CDH3: variants seen among roughly 807,000 people sequenced by gnomAD.
CDH3 encodes the protein cadherin 3.
A neutral mutation model predicts 82.0 loss-of-function variants in CDH3; 54 were observed. The ratio of observed to expected loss-of-function variants is 0.66; its 90% CI spans 0.53 to 0.83. CDH3 has a LOEUF of 0.83. Among genes scored for constraint, CDH3 ranks in the 40% least tolerant of loss-of-function variants. CDH3 has a pLI of 0.00. For synonymous variants in CDH3, 446 were observed against 437.9 expected (o/e 1.02, Z -0.23); for missense variants, 1,054 against 1,084.6 (o/e 0.97, Z 0.40).
chr16:68,659,579 CAAA>C (rs548955678), intron 2 of CDH3, among the ~76,000 whole-genome samples: 4 of 125,822 alleles, frequency 3.2e-5, no homozygotes, highest in African/African-American at 5.8e-5. Flanking sequence ...GATGCTGTCT[CAAA>C]AAAAAAAAAA....
intron 2 of CDH3, among the ~76,000 whole-genome samples, chr16:68,724,765 A>G (rs994107392): frequency 2.0e-5 from 3 of 152,162 alleles, no homozygotes; most frequent in Non-Finnish European, 2.9e-5. Context: ...ATTAATCTAT[A>G]TGGATGTCAC....
rs1294879711 is a variant in CDH3, at chr16:68,678,710, G to A, written c.547-52G>A. 2.9e-5 allele frequency: 46 copies of A among 1,614,022 alleles called. No homozygotes were observed. In the East Asian group the frequency reaches 1.0e-3, roughly 36 times the overall value. ...TGTCCCCTCAGAAGTGGGATCCTAG[G>A]CCTGGTGAGGTGGGTGGCACCGGGC... is the stretch of plus-strand genomic sequence containing the variant. On this transcript the variant is annotated intron_variant, in intron 5 of 15. Coordinates refer to ENST00000264012, the MANE Select transcript of CDH3 (RefSeq NM_001793.6).
At chr16:68,650,592 C>T (rs138718014) in intron 2 of CDH3, among the ~76,000 whole-genome samples, 9 of 152,210 alleles carry the variant, frequency 5.9e-5, no homozygotes, top group Non-Finnish European at 8.8e-5. Flanking sequence ...TGAGCCACCA[C>T]GCCCGGCCAT....
intron 2 of CDH3, among the ~76,000 whole-genome samples, chr16:68,667,291 T>C (rs1487073359): frequency 6.6e-6 from 1 of 152,218 alleles, no homozygotes; most frequent in Non-Finnish European, 1.5e-5. Flanking sequence ...GAGCTAGGTA[T>C]GTCCCTAAAG....
Position 68,676,014 on chromosome 16 carries a change from TA to T in CDH3, c.161-370del, listed in dbSNP as rs573482419. ...TGTGGGCATATATATTGTGTGTAAA[TA>T]GACTCTCACAGCCTTCAGAAAATCT... On this transcript the variant is annotated intron_variant, in intron 2 of 15. Coordinates refer to ENST00000264012, the MANE Select transcript of CDH3 (RefSeq NM_001793.6). Among the ~76,000 whole-genome samples the T allele has an allele frequency of 3.9e-5, 6 of 152,192 alleles. No individual in the cohort carries two copies. In the South Asian group the frequency reaches 1.2e-3, roughly 32 times the overall value.
chr16:68,697,570 T>G (rs545633479), intron 15 of CDH3, among the ~76,000 whole-genome samples: 6 of 152,290 alleles, frequency 3.9e-5, no homozygotes, highest in African/African-American at 1.4e-4. Flanking sequence ...CAGAAACCAC[T>G]GATGCCTCAG....
intron 7 of CDH3, 53 bp from the exon 8 acceptor site, chr16:68,680,915 A>T: frequency 6.2e-7 from 1 of 1,608,550 alleles, no homozygotes. Flanking sequence ...AGGTCAGGGG[A>T]GGGACCCTTC....
chr16:68,666,196 GCTGAGGCC>G (rs1960729142), intron 2 of CDH3, among the ~76,000 whole-genome samples: 1 of 151,770 alleles, frequency 6.6e-6, no homozygotes, highest in South Asian at 2.1e-4. Flanking sequence ...AGGGCTGCAA[GCTGAGGCC>G]CTCACACACC....
downstream of CDH3, among the ~76,000 whole-genome samples, chr16:68,729,551 G>C (rs1044892053): frequency 6.6e-6 from 1 of 152,094 alleles, no homozygotes; most frequent in South Asian, 2.1e-4. Context: ...AAAAGGGATG[G>C]AGAAGCTTAT....
At chr16:68,663,913 C>T (rs1597797589) in intron 2 of CDH3, among the ~76,000 whole-genome samples, 1 of 150,866 alleles carries the variant, frequency 6.6e-6, no homozygotes, top group African/African-American at 2.4e-5. Flanking sequence ...TGTGCTGCAC[C>T]CATTAACTCG....
intron 15 of CDH3, chr16:68,696,868 C>T (rs2152107552): frequency 6.6e-6 from 1 of 152,294 alleles, no homozygotes. Flanking sequence ...ACTCCCTGTC[C>T]TGTTTTCAAG....
intron 2 of CDH3, among the ~76,000 whole-genome samples, chr16:68,657,824 A>T (rs765851735): frequency 3.9e-5 from 6 of 152,076 alleles, no homozygotes; most frequent in Non-Finnish European, 8.8e-5. Context: ...GTTGAAGACC[A>T]CTTTAAAGTT....
intron 1 of CDH3, among the ~76,000 whole-genome samples, chr16:68,721,216 TA>T (rs1209160234): frequency 6.8e-6 from 1 of 147,244 alleles, no homozygotes; most frequent in Non-Finnish European, 1.5e-5. Context: ...CCTTACCCTT[TA>T]TGCAGTTTAG....
chr16:68,675,103 ACT>A (rs1467250888), intron 2 of CDH3, among the ~76,000 whole-genome samples: 3 of 151,552 alleles, frequency 2.0e-5, no homozygotes, highest in South Asian at 2.1e-4. Context: ...ACAGAGTGAG[ACT>A]CTGTTTCCAA....
intron 12 of CDH3, among the ~76,000 whole-genome samples, chr16:68,689,558 AAAG>A (rs1487613414): frequency 3.9e-4 from 11 of 27,854 alleles, no homozygotes; most frequent in Non-Finnish European, 6.8e-4. Flanking sequence ...AAAAAAAAAG[AAAG>A]AAAGAAAAAG....
chr16:68,688,720 G>A (rs749573463), intron 12 of CDH3, among the ~76,000 whole-genome samples: 15 of 152,232 alleles, frequency 9.9e-5, no homozygotes, highest in Non-Finnish European at 1.9e-4. Context: ...TCCGCTTCCC[G>A]GGTTCAAGCA....
downstream of CDH3, among the ~76,000 whole-genome samples, chr16:68,701,204 G>C (rs1961888477): frequency 6.6e-6 from 1 of 152,022 alleles, no homozygotes; most frequent in Admixed American, 6.6e-5. Flanking sequence ...TCGGTGGATG[G>C]ATGTAGAGTC....
At chr16:68,701,692 C>G (rs374941229), downstream of CDH3, among the ~76,000 whole-genome samples, 140 of 151,936 alleles carry the variant, frequency 9.2e-4, 1 homozygote, top group East Asian at 0.018. Flanking sequence ...ATTACAGGCG[C>G]CTGCCACTAT....
At chr16:68,682,642 C>T (rs1961266317) in intron 9 of CDH3, among the ~76,000 whole-genome samples, 155 bp downstream of exon 9, 1 of 152,154 alleles carries the variant, frequency 6.6e-6, no homozygotes, top group Admixed American at 6.5e-5. Context: ...GTTGGGAAGT[C>T]CCTTTGTTCA....
Sources: allele counts gnomAD v4.1 joint callset (sites outside exome capture counted in the v4.1 genomes callset), GRCh38; gene constraint gnomAD v4.1.1; transcripts MANE v1.5; gene names NCBI Gene and HGNC (gene_info 2026-07-23, HGNC 2026-07-21).